BCKDHA: variants seen among roughly 807,000 people sequenced by gnomAD.
BCKDHA encodes the protein branched chain keto acid dehydrogenase E1 subunit alpha.
BCKDHA carries 43 observed loss-of-function variants against 52.2 expected under a neutral mutation model. The ratio of observed to expected loss-of-function variants is 0.82; its 90% confidence interval spans 0.64 to 1.06. BCKDHA has a LOEUF of 1.06. Ranked by LOEUF, BCKDHA falls within the 50% of genes least tolerant of loss-of-function variation. BCKDHA has a pLI of 0.00. For synonymous variants in BCKDHA, 234 were observed against 247.9 expected, an observed-to-expected ratio of 0.94 and a Z score of 0.53; for missense variants, 527 against 621.3, an observed-to-expected ratio of 0.85 and a Z score of 1.61.
intron 1 of BCKDHA, among the ~76,000 whole-genome samples, chr19:41,409,330 T>C (rs1301390257): frequency 1.3e-5 from 2 of 152,178 alleles, no homozygotes; most frequent in African/African-American, 4.8e-5. Context: ...AGCCTTACCC[T>C]CGCTTTCTTC....
At position 41,422,199 on chromosome 19, in the gene BCKDHA, G is replaced by C. The variant is rs1177898961; in HGVS notation, c.682G>C (p.Ala228Pro). ...GGCGTACGCAGCCAAGCGGGCCAAT[G>C]CCAACAGGGTCGTCATCTGTTACTT... is the stretch of plus-strand genomic sequence containing the variant. ...GAAYAAKRAN[A>P]NRVVICYFGE... The change falls in exon 6 of 9, where the codon GCC becomes CCC. Residue 228 changes from alanine to proline, a missense_variant. Ala to Pro is a conservative substitution (Grantham distance 27). Transcript: ENST00000269980. 6.2e-7 allele frequency: 1 copy of C among 1,614,104 alleles called. No homozygotes were observed. Among genetic ancestry groups the C allele is most frequent in the Non-Finnish European group, 8.5e-7 (1 of 1,180,008 alleles).
chr19:41,403,474 C>T (rs2123241899), intron 1 of BCKDHA, among the ~76,000 whole-genome samples: 1 of 152,324 alleles, frequency 6.6e-6, no homozygotes, highest in African/African-American at 2.4e-5. Context: ...TGAGTGGCAC[C>T]TCAGCATGTA....
chr19:41,406,994 C>T (rs1314246074), intron 1 of BCKDHA, among the ~76,000 whole-genome samples: 4 of 152,238 alleles, frequency 2.6e-5, no homozygotes, highest in Non-Finnish European at 5.9e-5. Flanking sequence ...TCCCAAAGTA[C>T]TGGGATTACA....
At chr19:41,403,392 T>C (rs2039158200) in intron 1 of BCKDHA, among the ~76,000 whole-genome samples, 1 of 152,230 alleles carries the variant, frequency 6.6e-6, no homozygotes. Context: ...TTGATGGAGT[T>C]ATGATAACAG....
rs945871474 is a variant in BCKDHA, at chr19:41,424,842, T to C, written c.*234T>C. On this transcript the variant is annotated 3_prime_UTR_variant, in exon 9 of 9. Transcript: ENST00000269980. ...CTCCGTCAGCCCCCTCTTCACCTGT[T>C]GTTACAGTGCCTTCTCCCAGGGGCT... is the stretch of plus-strand genomic sequence containing the variant. The C allele has an allele frequency of 5.8e-6, 3 of 516,350 alleles. No individual in the cohort carries two copies. Among genetic ancestry groups the C allele is most frequent in the African/African-American group, 5.7e-5 (3 of 52,314 alleles). 32.0% of individuals were successfully genotyped at this position (516,350 alleles called of 1,614,324 possible).
chr19:41,420,551 A>G (rs2039353191), intron 5 of BCKDHA, among the ~76,000 whole-genome samples: 1 of 151,858 alleles, frequency 6.6e-6, no homozygotes, highest in African/African-American at 2.4e-5. Context: ...GTGAGCTGAG[A>G]TCGTGCCATT....
chr19:41,401,833 C>A (rs1394279678), intron 1 of BCKDHA, among the ~76,000 whole-genome samples: 8 of 152,180 alleles, frequency 5.3e-5, no homozygotes, highest in African/African-American at 1.7e-4. Flanking sequence ...GTGACTATTT[C>A]TGTGACCCAG....
intron 6 of BCKDHA, 30 bp downstream of exon 6, chr19:41,422,400 C>A: frequency 6.2e-7 from 1 of 1,612,576 alleles, no homozygotes; most frequent in Non-Finnish European, 8.5e-7. Context: ...CTCCCCACCC[C>A]GCTGGGATCA....
intron 1 of BCKDHA, among the ~76,000 whole-genome samples, chr19:41,407,632 C>T (rs1409601024): frequency 6.6e-6 from 1 of 152,186 alleles, no homozygotes; most frequent in African/African-American, 2.4e-5. Flanking sequence ...GTAATTTCCT[C>T]ACGACTACAA....
intron 3 of BCKDHA, among the ~76,000 whole-genome samples, chr19:41,413,017 A>G (rs1013482731): frequency 1.3e-5 from 2 of 152,180 alleles, no homozygotes; most frequent in African/African-American, 4.8e-5. Context: ...CTGTAGATAC[A>G]TCTTTAGGAA....
At chr19:41,401,443 T>C (rs934321091) in intron 1 of BCKDHA, among the ~76,000 whole-genome samples, 3 of 152,140 alleles carry the variant, frequency 2.0e-5, no homozygotes, top group Non-Finnish European at 4.4e-5. Flanking sequence ...GGCTGCATAT[T>C]GTAGACAGAT....
Position 41,424,680 on chromosome 19 carries a change from G to A in BCKDHA, c.*72G>A. On this transcript the variant is annotated 3_prime_UTR_variant, in exon 9 of 9. Coordinates refer to ENST00000269980, the MANE Select transcript of BCKDHA (RefSeq NM_000709.4). ...AGCCCCACTCTAAGGGGAGCAGGGG[G>A]ACCTGACAGCACACCACTGTCTTCC... is the stretch of plus-strand genomic sequence containing the variant. 6.7e-7 allele frequency: 1 copy of A among 1,488,492 alleles called. No homozygotes were observed. The highest frequency in any genetic ancestry group is 2.3e-5 in the East Asian group (1 of 43,680). The allele number at this position is 1,488,492 out of a possible 1,614,324, so 92.2% of individuals were successfully genotyped here.
In BCKDHA at chr19:41,422,722, G is replaced by A. The variant is rs972403437; in HGVS notation, c.947G>A (p.Arg316Gln). The change falls in exon 7 of 9, where the codon CGG (arginine) becomes CAG (glutamine). Residue 316 changes from arginine (R) to glutamine (Q), a missense_variant. Coordinates refer to ENST00000269980, the MANE Select transcript of BCKDHA (RefSeq NM_000709.4). ...VYNATKEARRRAVAENQPFLI... is the reference protein window; with the variant it reads ...VYNATKEARRQAVAENQPFLI... ...AACGCCACAAAGGAGGCCCGACGGC[G>A]GGCTGTGGCAGAGAACCAGCCCTTC... The A allele has an allele frequency of 1.7e-5, 27 of 1,613,904 alleles. No homozygotes were observed. The highest frequency in any genetic ancestry group is 1.2e-4 in the Admixed American group (7 of 60,002).
intron 1 of BCKDHA, among the ~76,000 whole-genome samples, chr19:41,403,820 G>A (rs2039163662): frequency 6.6e-6 from 1 of 152,166 alleles, no homozygotes; most frequent in Admixed American, 6.6e-5. Flanking sequence ...CCGCGTGGCT[G>A]GAAAGAGACA....
At chr19:41,417,512 C>T (rs2039318781) in intron 4 of BCKDHA, among the ~76,000 whole-genome samples, 1 of 152,178 alleles carries the variant, frequency 6.6e-6, no homozygotes, top group African/African-American at 2.4e-5. Context: ...TGCAGCACAG[C>T]CACATCTTGT....
intron 1 of BCKDHA, among the ~76,000 whole-genome samples, chr19:41,409,964 C>A (rs1167997096): frequency 6.6e-6 from 1 of 152,090 alleles, no homozygotes; most frequent in Non-Finnish European, 1.5e-5. Context: ...CCACATCCGG[C>A]TAATTTTTCT....
chr19:41,422,777 G>T lies in BCKDHA; in HGVS notation c.995+7G>T. ...TCGAGGCCATGACCTACAGGTGCCT[G>T]CCGCTCCCCCCGTCAGCACCCCCAC... On this transcript the variant is annotated splice_region_variant and intron_variant, in intron 7 of 8. Coordinates refer to ENST00000269980, the MANE Select transcript of BCKDHA (RefSeq NM_000709.4). The T allele has an allele frequency of 6.2e-7, 1 of 1,612,886 alleles. No individual in the cohort carries two copies. The highest frequency in any genetic ancestry group is 8.5e-7 in the Non-Finnish European group (1 of 1,179,994).
chr19:41,424,883 C>A lies in BCKDHA; in HGVS notation c.*275C>A. 1 of 420,946 alleles carries A rather than the reference C, an allele frequency of 2.4e-6. No individual in the cohort carries two copies. The highest frequency in any genetic ancestry group is 4.0e-5 in the East Asian group (1 of 24,886). The allele number at this position is 420,946 out of a possible 1,614,324, so 26.1% of individuals were successfully genotyped here. On this transcript the variant is annotated 3_prime_UTR_variant, in exon 9 of 9. Transcript: ENST00000269980. ...CCCAGGGGCTGGGTGAGGGCACATT[C>A]AGGACTAGAAGCCCCTCTGGGCATG... is the stretch of plus-strand genomic sequence containing the variant.
intron 4 of BCKDHA, chr19:41,418,645 C>T (rs767362798): frequency 1.2e-5 from 5 of 412,758 alleles, no homozygotes; most frequent in Non-Finnish European, 2.4e-5. Flanking sequence ...AATCCTCTGC[C>T]TCAGCCTCCC....
Sources: gnomAD v4.1 joint callset for allele counts (sites outside exome capture counted in the v4.1 genomes callset) on GRCh38, gnomAD v4.1.1 for gene constraint, MANE v1.5 for transcripts, NCBI Gene and HGNC (gene_info 2026-07-23, HGNC 2026-07-21) for gene names.